RBMS2: variants seen among roughly 807,000 people sequenced by gnomAD.
RBMS2 encodes RNA-binding motif, single-stranded-interacting protein 2.
RBMS2 carries 38 observed loss-of-function variants against 58.4 expected under a neutral mutation model. The ratio of observed to expected loss-of-function variants is 0.65; its 90% CI spans 0.50 to 0.85. The LOEUF is 0.85. Ranked by LOEUF, RBMS2 falls within the 40% of genes least tolerant of loss-of-function variation. The pLI, the probability that RBMS2 is intolerant of heterozygous loss-of-function variation, is 0.00. For missense variants in RBMS2, 367 were observed against 503.7 expected (o/e 0.73, Z 2.60); for synonymous variants, 151 against 180.7 (o/e 0.84, Z 1.32).
rs1419992360 is a variant in RBMS2, at chr12:56,589,126, T to C, written c.*7-14T>C. ...TGTTTGTCTTGTCTCCTCTCTGGCT[T>C]GTGCCTTCTTTAGGATTCCCCTCCC... On this transcript the variant is annotated splice_polypyrimidine_tract_variant and intron_variant, in intron 13 of 13. Transcript: ENST00000262031. 5.7e-6 allele frequency: 9 copies of C among 1,573,344 alleles called. No homozygotes were observed. The highest frequency in any genetic ancestry group is 6.9e-6 in the Non-Finnish European group (8 of 1,159,058).
chr12:56,580,970 T>A (rs749461824), intron 5 of RBMS2, among the ~76,000 whole-genome samples: 7 of 152,172 alleles, frequency 4.6e-5, no homozygotes, highest in African/African-American at 7.2e-5. Flanking sequence ...CCTATGAGGA[T>A]CCCATACAGG....
intron 1 of RBMS2, among the ~76,000 whole-genome samples, chr12:56,551,536 T>G (rs1878270174): frequency 6.6e-6 from 1 of 152,140 alleles, no homozygotes; most frequent in African/African-American, 2.4e-5. Context: ...TGAGCAACAT[T>G]AATGGGTTTA....
chr12:56,563,519 T>C (rs61939871), intron 2 of RBMS2, among the ~76,000 whole-genome samples: 2,290 of 152,278 alleles, frequency 0.015, 17 homozygotes, highest in Non-Finnish European at 0.022. Flanking sequence ...CCCTTCGGAG[T>C]TCTTTTTAGT....
At chr12:56,550,074 T>C (rs1592383540) in intron 1 of RBMS2, among the ~76,000 whole-genome samples, 2 of 152,318 alleles carry the variant, frequency 1.3e-5, no homozygotes, top group South Asian at 4.1e-4. Context: ...AATCCTCCTA[T>C]ACTATGGTGG....
intron 1 of RBMS2, among the ~76,000 whole-genome samples, chr12:56,559,218 T>C (rs10783791): frequency 0.94 from 142,487 of 151,612 alleles, 67,428 homozygotes; most frequent in East Asian, 1. Context: ...CTCGCTCTGT[T>C]GCCCAGGCTG....
chr12:56,526,308 A>AAAAT (rs1161726725), intron 1 of RBMS2, among the ~76,000 whole-genome samples: 8 of 151,818 alleles, frequency 5.3e-5, no homozygotes, highest in African/African-American at 2.4e-5. Flanking sequence ...CTCCATCTCA[A>AAAAT]AAATAAATAA....
At chr12:56,564,385 T>C (rs1014025594) in intron 2 of RBMS2, among the ~76,000 whole-genome samples, 4 of 152,156 alleles carry the variant, frequency 2.6e-5, no homozygotes, top group African/African-American at 9.7e-5. Context: ...TTTTTTCTTT[T>C]TAAGACAGGA....
rs1421831128 is a variant in RBMS2 at position 56,595,305 on chromosome 12, T to C, written c.*6172T>C. On this transcript the variant is annotated 3_prime_UTR_variant, in exon 14 of 14. Transcript: ENST00000262031. ...ACAAAGTTTCCAGGCTGGAGGGTAA[T>C]ACATATCCAGCGCGAGTGAAGTCCC... 1 of 152,180 alleles carries C rather than the reference T, an allele frequency of 6.6e-6. No individual in the cohort carries two copies. The highest frequency in any genetic ancestry group is 1.5e-5 in the Non-Finnish European group (1 of 68,038). 9.4% of individuals were successfully genotyped at this position (152,180 alleles called of 1,614,324 possible).
At chr12:56,582,267 C>A in intron 9 of RBMS2, 115 bp downstream of exon 9, 1 of 853,628 alleles carries the variant, frequency 1.2e-6, no homozygotes, top group Non-Finnish European at 1.8e-6. Flanking sequence ...TCATATTACA[C>A]ACAATTTTAC....
intron 7 of RBMS2, 110 bp downstream of exon 7, chr12:56,581,618 G>A (rs1883963771): frequency 8.9e-6 from 11 of 1,238,190 alleles, no homozygotes; most frequent in South Asian, 8.0e-5. Context: ...GCTACAGTAC[G>A]TAATTGAGAA....
At chr12:56,587,305 G>T (rs943444967) in intron 10 of RBMS2, among the ~76,000 whole-genome samples, 14 of 152,098 alleles carry the variant, frequency 9.2e-5, no homozygotes, top group Non-Finnish European at 1.6e-4. Context: ...AGGAGATGTG[G>T]GTGTGAGTTC....
intron 3 of RBMS2, 52 bp from the exon 4 acceptor site, chr12:56,569,847 C>T: frequency 6.8e-7 from 1 of 1,474,200 alleles, no homozygotes; most frequent in Non-Finnish European, 9.5e-7. Flanking sequence ...GCCTGGACCT[C>T]TCTGTTCCTT....
intron 8 of RBMS2, 69 bp from the exon 9 acceptor site, chr12:56,581,990 G>T (rs1884021688): frequency 1.3e-6 from 2 of 1,567,046 alleles, no homozygotes; most frequent in Admixed American, 1.7e-5. Context: ...CGTTGGCTGT[G>T]CCTATCAGTT....
chr12:56,521,500 C>CTTTTTTTTTTTTTTTTTTTTT (rs1871713749), upstream of RBMS2, among the ~76,000 whole-genome samples: 1 of 92,472 alleles, frequency 1.1e-5, no homozygotes, highest in African/African-American at 4.7e-5. Context: ...CACTCTAACT[C>CTTTTTTTTTTTTTTTTTTTTT]TGTTTTTTTT....
upstream of RBMS2, among the ~76,000 whole-genome samples, chr12:56,521,502 GTTTTT>G (rs68129205): frequency 7.7e-3 from 564 of 73,166 alleles, 6 homozygotes; most frequent in African/African-American, 0.03. Context: ...CTCTAACTCT[GTTTTT>G]TTTTTTTTTT....
chr12:56,578,248 C>A (rs566815766), intron 5 of RBMS2, among the ~76,000 whole-genome samples: 1 of 152,084 alleles, frequency 6.6e-6, no homozygotes, highest in Admixed American at 6.6e-5. Context: ...TGTGCCTCAG[C>A]CTCCCAAGTA....
intron 1 of RBMS2, among the ~76,000 whole-genome samples, chr12:56,528,270 G>T (rs2136239412): frequency 6.7e-6 from 1 of 148,558 alleles, no homozygotes; most frequent in South Asian, 2.1e-4. Context: ...AAAAAGTCAA[G>T]TGTGCAAATC....
chr12:56,544,198 C>A (rs1876707550), intron 1 of RBMS2, among the ~76,000 whole-genome samples: 1 of 152,060 alleles, frequency 6.6e-6, no homozygotes, highest in Non-Finnish European at 1.5e-5. Context: ...CTCGTTTGAA[C>A]CCAGGAGGTG....
At chr12:56,573,670 C>G (rs1199546026) in intron 5 of RBMS2, among the ~76,000 whole-genome samples, 1 of 151,660 alleles carries the variant, frequency 6.6e-6, no homozygotes, top group East Asian at 1.9e-4. Context: ...TTGTGCCACC[C>G]TTAGTTATCT....
Sources: allele counts gnomAD v4.1 joint callset (sites outside exome capture counted in the v4.1 genomes callset), GRCh38; gene constraint gnomAD v4.1.1; transcripts MANE v1.5; gene names NCBI Gene and HGNC (gene_info 2026-07-23, HGNC 2026-07-21).